The following ANKIB1 variants were observed in gnomAD, a reference collection of about 807,000 sequenced individuals.
ANKIB1 encodes ankyrin repeat and IBR domain containing 1, also known as ankyrin repeat and IBR domain-containing protein 1.
In ANKIB1, 43 loss-of-function variants were observed where a neutral mutation model predicts 122.1. That is an observed-to-expected ratio of 0.35 (90% CI 0.28 to 0.45). The LOEUF is 0.45. ANKIB1 is among the 20% of genes least tolerant of loss of function. The pLI, the probability that ANKIB1 is intolerant of heterozygous loss-of-function variation, is 1.00. For synonymous variants in ANKIB1, 390 were observed against 442.0 expected (o/e 0.88, Z 1.48); for missense variants, 992 against 1,329.5 (o/e 0.75, Z 3.95).
intron 9 of ANKIB1, among the ~76,000 whole-genome samples, chr7:92,357,112 A>G (rs1012576851): frequency 3.3e-5 from 5 of 152,194 alleles, no homozygotes; most frequent in Admixed American, 2.0e-4. Context: ...GAACCACTGT[A>G]TAGTCATGCA....
intron 3 of ANKIB1, among the ~76,000 whole-genome samples, chr7:92,315,691 G>T (rs973581144): frequency 6.6e-6 from 1 of 152,104 alleles, no homozygotes; most frequent in Non-Finnish European, 1.5e-5. Flanking sequence ...GAATTGGGGG[G>T]ACTGAGAAAC....
At chr7:92,247,496 A>C (rs1325863060) in intron 1 of ANKIB1, among the ~76,000 whole-genome samples, 1 of 152,228 alleles carries the variant, frequency 6.6e-6, no homozygotes, top group Non-Finnish European at 1.5e-5. Flanking sequence ...AGCCACTCAC[A>C]GATGTTACAC....
At chr7:92,371,972 T>G (rs1804270695) in intron 11 of ANKIB1, among the ~76,000 whole-genome samples, 1 of 146,348 alleles carries the variant, frequency 6.8e-6, no homozygotes, top group African/African-American at 2.6e-5. Context: ...TGTGTGTGTG[T>G]GTGTGTGTGT....
At chr7:92,267,331 C>T (rs887506598) in intron 1 of ANKIB1, among the ~76,000 whole-genome samples, 1 of 152,174 alleles carries the variant, frequency 6.6e-6, no homozygotes, top group East Asian at 1.9e-4. Context: ...GCATCCAGAT[C>T]TAGATATAGA....
rs188977256 is a variant in ANKIB1, at chr7:92,355,753, G to A, written c.1397+3111G>A. 5.9e-3 allele frequency among the ~76,000 whole-genome samples: 896 copies of A among 151,882 alleles called. 8 individuals carry two copies. The highest frequency in any genetic ancestry group is 0.021 in the Middle Eastern group (6 of 292). ...AGTTCCAGATATTCGGGAGGCTGAG[G>A]CAGGAGAATCGCTTGAACCTGGGAG... On this transcript the variant is annotated intron_variant, in intron 9 of 19. Transcript: ENST00000265742.
intron 1 of ANKIB1, among the ~76,000 whole-genome samples, chr7:92,269,447 CTT>C (rs1321248845): frequency 2.0e-5 from 3 of 152,216 alleles, no homozygotes. Context: ...AGGAAAGTGT[CTT>C]TGTGTTACCT....
At chr7:92,379,402 A>G (rs1453642628) in intron 11 of ANKIB1, among the ~76,000 whole-genome samples, 1 of 152,208 alleles carries the variant, frequency 6.6e-6, no homozygotes, top group Non-Finnish European at 1.5e-5. Flanking sequence ...AAAAAAACTA[A>G]TTCAGAAGTT....
chr7:92,291,607 G>GTGGCCT (rs1449448284), intron 1 of ANKIB1, among the ~76,000 whole-genome samples: 1 of 121,380 alleles, frequency 8.2e-6, no homozygotes, highest in Non-Finnish European at 1.6e-5. Flanking sequence ...GTCTTACACT[G>GTGGCCT]TGGCCTGGGC....
At chr7:92,349,869 T>G (rs1270790783) in intron 7 of ANKIB1, among the ~76,000 whole-genome samples, 2 of 152,060 alleles carry the variant, frequency 1.3e-5, no homozygotes, top group South Asian at 4.1e-4. Context: ...TGGAATTTTC[T>G]AACTCAGAAC....
chr7:92,295,666 G>C (rs773486722), intron 2 of ANKIB1, among the ~76,000 whole-genome samples: 3 of 152,124 alleles, frequency 2.0e-5, no homozygotes, highest in Non-Finnish European at 4.4e-5. Flanking sequence ...TGATCAGTTT[G>C]AATTTCCTTT....
chr7:92,343,605 G>A (rs1468733986), intron 6 of ANKIB1, among the ~76,000 whole-genome samples: 1 of 152,124 alleles, frequency 6.6e-6, no homozygotes, highest in Non-Finnish European at 1.5e-5. Context: ...GCCAAGGTGG[G>A]TGGATTGCCT....
rs1804930407 is a variant in ANKIB1 at position 92,397,716 on chromosome 7, G to C, written c.2396-7G>C. 1 of 1,610,018 alleles carries C rather than the reference G, an allele frequency of 6.2e-7. No individual in the cohort carries two copies. Among genetic ancestry groups the C allele is most frequent in the African/African-American group, 1.3e-5 (1 of 74,596 alleles). On this transcript the variant is annotated splice_region_variant and splice_polypyrimidine_tract_variant and intron_variant, in intron 18 of 19. Coordinates refer to ENST00000265742, the MANE Select transcript of ANKIB1 (RefSeq NM_019004.2). ...AATTGTCTTTGGTACCAATTGCTTT[G>C]AAACAGATATTCCAGAAGGCGGCAG...
chr7:92,355,800 G>C (rs1017194882), intron 9 of ANKIB1, among the ~76,000 whole-genome samples: 3 of 151,190 alleles, frequency 2.0e-5, no homozygotes, highest in Admixed American at 6.6e-5. Flanking sequence ...AGTGAGCCGA[G>C]ATCAAGCCAC....
intron 5 of ANKIB1, among the ~76,000 whole-genome samples, chr7:92,337,526 C>T (rs1188280695): frequency 6.6e-6 from 1 of 151,912 alleles, no homozygotes; most frequent in African/African-American, 2.4e-5. Flanking sequence ...TTCTTATATT[C>T]CAGGAATAAG....
intron 5 of ANKIB1, among the ~76,000 whole-genome samples, chr7:92,330,501 A>G (rs1323182313): frequency 6.6e-6 from 1 of 152,128 alleles, no homozygotes; most frequent in Non-Finnish European, 1.5e-5. Flanking sequence ...AAAAATTTAG[A>G]CCTGAGTAAA....
chr7:92,378,698 A>G (rs1332806715), intron 11 of ANKIB1, among the ~76,000 whole-genome samples: 1 of 152,184 alleles, frequency 6.6e-6, no homozygotes, highest in Non-Finnish European at 1.5e-5. Context: ...AGTCAACATA[A>G]TTAGACAACA....
intron 7 of ANKIB1, among the ~76,000 whole-genome samples, chr7:92,347,146 A>G (rs1440874002): frequency 6.6e-6 from 1 of 152,176 alleles, no homozygotes; most frequent in African/African-American, 2.4e-5. Context: ...TTCTTCCCAA[A>G]CTTTTTATTA....
chr7:92,369,397 G>A (rs1387889794), intron 10 of ANKIB1, among the ~76,000 whole-genome samples: 1 of 152,122 alleles, frequency 6.6e-6, no homozygotes, highest in African/African-American at 2.4e-5. Flanking sequence ...AACTTAAGTA[G>A]GCAAGCACTT....
At chr7:92,386,116 A>G (rs1024196481) in intron 11 of ANKIB1, among the ~76,000 whole-genome samples, 2 of 152,210 alleles carry the variant, frequency 1.3e-5, no homozygotes, top group African/African-American at 4.8e-5. Flanking sequence ...GCGTAGTTCT[A>G]GTTTCAAAAC....
Sources: allele counts gnomAD v4.1 joint callset (sites outside exome capture counted in the v4.1 genomes callset), GRCh38; gene constraint gnomAD v4.1.1; transcripts MANE v1.5; gene names NCBI Gene and HGNC (gene_info 2026-07-23, HGNC 2026-07-21).